ZFHX3: variants seen among roughly 807,000 people sequenced by gnomAD.
The protein encoded by ZFHX3 is zinc finger homeobox protein 3.
ZFHX3 carries 42 observed loss-of-function variants against 279.1 expected under a neutral mutation model. The observed-to-expected ratio is 0.15, with a 90% CI of 0.12 to 0.19. The LOEUF (loss-of-function observed/expected upper bound fraction) is 0.19, where lower values mean the gene tolerates loss of function less well. Ranked by LOEUF, ZFHX3 falls within the 10% of genes least tolerant of loss-of-function variation. The probability of loss-of-function intolerance (pLI) is 1.00; values close to 1 mark genes in which losing one functional copy is unlikely to be tolerated. For missense variants in ZFHX3, 4,981 were observed against 4,754.0 expected (o/e 1.05, Z -1.40); for synonymous variants, 2,293 against 1,957.8 (o/e 1.17, Z -4.52).
At chr16:73,341,364 G>C (rs1157855174) in intron 3 of ZFHX3, among the ~76,000 whole-genome samples, 3 of 151,962 alleles carry the variant, frequency 2.0e-5, no homozygotes, top group Non-Finnish European at 4.4e-5. Context: ...TAACAATAGA[G>C]AGGAAAAGGC....
chr16:73,719,637 A>AT (rs945775380), intron 1 of ZFHX3, among the ~76,000 whole-genome samples: 6 of 151,974 alleles, frequency 3.9e-5, no homozygotes, highest in African/African-American at 7.2e-5. Flanking sequence ...TCATTTATTT[A>AT]TTTTTTTATT....
At chr16:72,831,373 G>T (rs1234912038) in intron 4 of ZFHX3, among the ~76,000 whole-genome samples, 1 of 151,882 alleles carries the variant, frequency 6.6e-6, no homozygotes, top group African/African-American at 2.4e-5. Context: ...GTGAAATACG[G>T]TACTGTTTAT....
chr16:73,614,468 T>C lies in ZFHX3; in HGVS notation c.-1547+65712A>G, dbSNP rs118139467. 5.4e-4 allele frequency among the ~76,000 whole-genome samples: 83 copies of C among 152,322 alleles called. No individual in the cohort carries two copies. In the East Asian group the frequency reaches 0.015, roughly 28 times the overall value. ...TGGTCCCCTTTTTTCTCCTTTTTTA[T>C]CTTGAGTAAAAGCTTAAAATAAAAA... On this transcript the variant is annotated intron_variant, in intron 2 of 17. Transcript: ENST00000641206.
rs571529028 is a variant in ZFHX3, at chr16:73,415,872, C to T, written c.-1291+40131G>A. On this transcript the variant is annotated intron_variant, in intron 3 of 17. Transcript: ENST00000641206. ...CAGTGGCTCATGCCTGTAATCCCAG[C>T]ACTTTGGGAGGCCAAGGTTGGTGGA... 2.0e-5 allele frequency among the ~76,000 whole-genome samples: 3 copies of T among 152,204 alleles called. No individual in the cohort carries two copies. In the East Asian group the frequency reaches 5.8e-4, roughly 29 times the overall value.
Position 72,796,036 on chromosome 16 carries a change from T to G in ZFHX3, c.6646A>C (p.Ile2216Leu). 1 of 1,614,138 alleles carries G rather than the reference T, an allele frequency of 6.2e-7. No individual in the cohort carries two copies. The highest frequency in any genetic ancestry group is 8.5e-7 in the Non-Finnish European group (1 of 1,180,032). The change falls in exon 9 of 10, where the codon ATC (isoleucine) becomes CTC (leucine). Residue 2216 changes from isoleucine (I) to leucine (L), a missense_variant. This residue lies in a region of ZFHX3 where 177 missense variants were observed against 244.2 expected (regional missense o/e 0.72). Coordinates refer to ENST00000268489, the MANE Select transcript of ZFHX3 (RefSeq NM_006885.4). ...ATCTTGAGCTCCTCCAGGCTGGTGA[T>G]AGGAGGATTACTGAAGTTGTAAGGG... is the stretch of plus-strand genomic sequence containing the variant. ...DSPYNFSNPP[I>L]TSLEELKIDS... is the part of the protein sequence containing the mutation.
At chr16:73,527,689 A>G (rs1597370377) in intron 2 of ZFHX3, among the ~76,000 whole-genome samples, 2 of 152,172 alleles carry the variant, frequency 1.3e-5, no homozygotes, top group East Asian at 3.9e-4. Context: ...CTCACTCTGG[A>G]GGAAGCAAGC....
At chr16:72,995,164 A>C (rs183953189) in intron 1 of ZFHX3, among the ~76,000 whole-genome samples, 2 of 152,294 alleles carry the variant, frequency 1.3e-5, no homozygotes, top group Admixed American at 1.3e-4. Flanking sequence ...ACATTTCAGA[A>C]AATATTCTAC....
At chr16:73,725,869 C>A (rs2142242888) in intron 1 of ZFHX3, among the ~76,000 whole-genome samples, 1 of 152,232 alleles carries the variant, frequency 6.6e-6, no homozygotes, top group Non-Finnish European at 1.5e-5. Context: ...TGCTCACCAA[C>A]CAACTCTGTG....
At chr16:73,418,433 G>A (rs1422325752) in intron 3 of ZFHX3, among the ~76,000 whole-genome samples, 1 of 152,252 alleles carries the variant, frequency 6.6e-6, no homozygotes, top group Non-Finnish European at 1.5e-5. Context: ...GGAAGGAGTG[G>A]TGGGGGGAAG....
intron 1 of ZFHX3, among the ~76,000 whole-genome samples, chr16:73,788,635 T>G (rs896046586): frequency 1.3e-5 from 2 of 152,020 alleles, no homozygotes; most frequent in African/African-American, 4.8e-5. Context: ...TAGTAACAAC[T>G]GAATTGAAAG....
Position 73,249,671 on chromosome 16 carries a change from T to C in ZFHX3, c.-1104+7376A>G, listed in dbSNP as rs373617985. ...GGATACAGCCAAACCATATCAGAGA[T>C]TTTGTCACACTATACTAAGATTTCC... On this transcript the variant is annotated intron_variant, in intron 5 of 17. Transcript: ENST00000641206. Among the ~76,000 whole-genome samples, 22 of 152,272 alleles carry C rather than the reference T, an allele frequency of 1.4e-4. No homozygotes were observed. In the South Asian group the frequency reaches 4.3e-3, roughly 30 times the overall value.
chr16:73,638,831 A>G (rs756747258), intron 2 of ZFHX3, among the ~76,000 whole-genome samples: 2 of 152,196 alleles, frequency 1.3e-5, no homozygotes, highest in African/African-American at 2.4e-5. Flanking sequence ...TTTCTGCTAA[A>G]ATGTGTTTTT....
intron 1 of ZFHX3, among the ~76,000 whole-genome samples, chr16:73,844,293 G>T (rs78699291): frequency 3.9e-5 from 6 of 152,176 alleles, no homozygotes; most frequent in South Asian, 4.1e-4. Context: ...TGACTGGGGG[G>T]GTTGAACAGG....
Position 73,053,539 on chromosome 16 carries a change from CA to C in ZFHX3, c.-24+4990del, listed in dbSNP as rs369013321. Among the ~76,000 whole-genome samples, 67 of 151,858 alleles carry C rather than the reference CA, an allele frequency of 4.4e-4. No homozygotes were observed. In the South Asian group the frequency reaches 0.014, roughly 31 times the overall value. On this transcript the variant is annotated intron_variant, in intron 1 of 8. Coordinates refer to the ZFHX3 transcript ENST00000397992. Reference sequence around the variant, plus strand: ...TATTAAAGACACAGACAAGGTGTGGCAGGGGCAAAGTGGGGGGAGGTGTTAC... The same window carrying C: ...TATTAAAGACACAGACAAGGTGTGGCGGGGCAAAGTGGGGGGAGGTGTTAC...
intron 3 of ZFHX3, among the ~76,000 whole-genome samples, chr16:72,930,692 A>G (rs1959742161): frequency 6.6e-6 from 1 of 152,224 alleles, no homozygotes; most frequent in Non-Finnish European, 1.5e-5. Context: ...GAACTGATAC[A>G]TTTAGAAATA....
chr16:73,625,951 G>C (rs1023671236), intron 2 of ZFHX3, among the ~76,000 whole-genome samples: 7 of 152,134 alleles, frequency 4.6e-5, no homozygotes, highest in African/African-American at 1.7e-4. Flanking sequence ...TCCGCCTCCC[G>C]GGTTCATGCC....
At chr16:73,433,455 C>T (rs1242609262) in intron 3 of ZFHX3, among the ~76,000 whole-genome samples, 1 of 152,156 alleles carries the variant, frequency 6.6e-6, no homozygotes, top group Non-Finnish European at 1.5e-5. Flanking sequence ...CAGCAAGGCG[C>T]CCAATGAGGC....
At chr16:73,623,112 C>A (rs1018715575) in intron 2 of ZFHX3, among the ~76,000 whole-genome samples, 4 of 151,832 alleles carry the variant, frequency 2.6e-5, no homozygotes, top group African/African-American at 9.7e-5. Flanking sequence ...TCTCGGCTCA[C>A]TGCAAGCTCC....
At chr16:73,342,610 G>T (rs962680772) in intron 3 of ZFHX3, among the ~76,000 whole-genome samples, 3 of 152,000 alleles carry the variant, frequency 2.0e-5, no homozygotes, top group African/African-American at 7.3e-5. Flanking sequence ...AGAAAGAAGA[G>T]GAAATAAACT....
Sources: gnomAD v4.1 joint callset for allele counts (sites outside exome capture counted in the v4.1 genomes callset) on GRCh38, gnomAD v4.1.1 for gene constraint, gnomAD v4.1.1 regional missense constraint, MANE v1.5 for transcripts, NCBI Gene and HGNC (gene_info 2026-07-23, HGNC 2026-07-21) for gene names.